The following MACO1 variants were observed in gnomAD, a reference collection of about 807,000 sequenced individuals.
MACO1 encodes the protein macoilin.
A neutral mutation model predicts 78.7 loss-of-function variants in MACO1; 14 were observed. That is an observed-to-expected ratio of 0.18 (90% CI 0.12 to 0.28). The LOEUF is 0.28. Among genes scored for constraint, MACO1 ranks in the 10% least tolerant of loss-of-function variants. The pLI is 1.00. For synonymous variants in MACO1, 288 were observed against 291.6 expected, an observed-to-expected ratio of 0.99 and a Z score of 0.12; for missense variants, 501 against 799.0, an observed-to-expected ratio of 0.63 and a Z score of 4.50.
At chr1:25,476,521 AC>A (rs1193990236) in intron 6 of MACO1, among the ~76,000 whole-genome samples, 1 of 152,232 alleles carries the variant, frequency 6.6e-6, no homozygotes. Context: ...TTCTTAAAAT[AC>A]ATTTTTCTGT....
At chr1:25,456,496 A>G (rs927600484) in intron 4 of MACO1, among the ~76,000 whole-genome samples, 157 bp from the exon 5 acceptor site, 1 of 152,124 alleles carries the variant, frequency 6.6e-6, no homozygotes, top group African/African-American at 2.4e-5. Context: ...CACAGTAGAC[A>G]TTACATTTAT....
chr1:25,456,408 T>C (rs966096742), intron 4 of MACO1, among the ~76,000 whole-genome samples: 3 of 152,226 alleles, frequency 2.0e-5, no homozygotes, highest in Non-Finnish European at 4.4e-5. Context: ...CAACGTCTAA[T>C]GGGAAGTGTC....
At chr1:25,454,444 G>A (rs994875532) in intron 4 of MACO1, 62 bp downstream of exon 4, 14 of 145,584 alleles carry the variant, frequency 9.6e-5, no homozygotes, top group South Asian at 9.0e-4. Flanking sequence ...ATATATGTGT[G>A]TGTGTGTGTG....
chr1:25,473,934 C>T (rs1409064255), intron 6 of MACO1, among the ~76,000 whole-genome samples: 2 of 152,134 alleles, frequency 1.3e-5, no homozygotes, highest in Non-Finnish European at 2.9e-5. Context: ...CCAATAGATT[C>T]AAAACAGAAA....
intron 6 of MACO1, among the ~76,000 whole-genome samples, chr1:25,464,406 G>A (rs1187646180): frequency 7.5e-6 from 1 of 132,516 alleles, no homozygotes; most frequent in African/African-American, 2.9e-5. Context: ...GTGCAGTGGT[G>A]TGATCTCGGC....
chr1:25,440,405 GAAA>G (rs35855810), intron 1 of MACO1, among the ~76,000 whole-genome samples: 7 of 124,570 alleles, frequency 5.6e-5, no homozygotes, highest in African/African-American at 8.6e-5. Context: ...CCAGTTCTGG[GAAA>G]AAAAAAAAAA....
At chr1:25,474,783 A>G (rs902481762) in intron 6 of MACO1, among the ~76,000 whole-genome samples, 4 of 152,198 alleles carry the variant, frequency 2.6e-5, no homozygotes, top group African/African-American at 9.6e-5. Context: ...AAAACTCAGG[A>G]TGTGGGTCCT....
At chr1:25,440,757 G>C (rs1324830007) in intron 1 of MACO1, among the ~76,000 whole-genome samples, 1 of 124,354 alleles carries the variant, frequency 8.0e-6, no homozygotes, top group Non-Finnish European at 1.6e-5. Context: ...GACAGAGTGA[G>C]ACTCCATCTC....
At chr1:25,459,753 A>C (rs1429917919) in intron 6 of MACO1, among the ~76,000 whole-genome samples, 3 of 152,180 alleles carry the variant, frequency 2.0e-5, no homozygotes, top group Non-Finnish European at 4.4e-5. Flanking sequence ...CTGGGATTAC[A>C]GATGTGAGCC....
chr1:25,483,928 T>C (rs1295211638), intron 6 of MACO1, among the ~76,000 whole-genome samples, 188 bp from the exon 7 acceptor site: 1 of 152,126 alleles, frequency 6.6e-6, no homozygotes, highest in Non-Finnish European at 1.5e-5. Context: ...TAGGAAGAGG[T>C]AGGGACCCAG....
intron 6 of MACO1, among the ~76,000 whole-genome samples, chr1:25,475,585 G>T (rs527369811): frequency 4.6e-5 from 7 of 151,336 alleles, no homozygotes; most frequent in Non-Finnish European, 8.8e-5. Flanking sequence ...AAAAGTAAGA[G>T]ACTTGGATTT....
chr1:25,440,939 G>A (rs1445137568), intron 1 of MACO1, among the ~76,000 whole-genome samples: 1 of 152,138 alleles, frequency 6.6e-6, no homozygotes, highest in Non-Finnish European at 1.5e-5. Context: ...GTGATAGTCT[G>A]GCACCCAGAA....
At chr1:25,431,260 C>A in intron 1 of MACO1, 82 bp downstream of exon 1, 1 of 1,121,092 alleles carries the variant, frequency 8.9e-7, no homozygotes. Context: ...CGTTATGTAA[C>A]CCCGAGTAGG....
At position 25,437,983 on chromosome 1, in the gene MACO1, G is replaced by A. The variant is rs76586653; in HGVS notation, c.80+6805G>A. ...ATCCCAAAGTGCTGATATTATAGGC[G>A]TGAGCCACCATAATCAGCCCCCAAT... On this transcript the variant is annotated intron_variant, in intron 1 of 10. Coordinates refer to ENST00000374343, the MANE Select transcript of MACO1 (RefSeq NM_018202.6). Among the ~76,000 whole-genome samples, 1,130 of 152,096 alleles carry A rather than the reference G, an allele frequency of 7.4e-3. 15 individuals carry two copies. Among genetic ancestry groups the A allele is most frequent in the African/African-American group, 0.026 (1,083 of 41,464 alleles).
chr1:25,433,428 G>C (rs183275457), intron 1 of MACO1, among the ~76,000 whole-genome samples: 56 of 152,270 alleles, frequency 3.7e-4, no homozygotes, highest in African/African-American at 1.2e-3. Context: ...ATGCTAAGTT[G>C]TTTTTCACAC....
chr1:25,436,476 T>C (rs1041446321), intron 1 of MACO1, among the ~76,000 whole-genome samples: 7 of 152,176 alleles, frequency 4.6e-5, no homozygotes, highest in Non-Finnish European at 1.0e-4. Flanking sequence ...TCCCCAGGCT[T>C]ACTAGATTTG....
rs930025320 is a variant in MACO1 at position 25,458,750 on chromosome 1, G to A, written c.1012G>A (p.Ala338Thr). The A allele has an allele frequency of 1.2e-6, 2 of 1,614,048 alleles. No individual in the cohort carries two copies. The highest frequency in any genetic ancestry group is 1.3e-5 in the African/African-American group (1 of 74,978). The change falls in exon 6 of 11, where the codon GCC (alanine) becomes ACC (threonine). Residue 338 changes from alanine to threonine, a missense_variant. This residue lies in a region of MACO1 where 163 missense variants were observed against 271.9 expected (regional missense o/e 0.60). Coordinates refer to ENST00000374343, the MANE Select transcript of MACO1 (RefSeq NM_018202.6). The stretch of plus-strand genomic sequence containing the variant: ...GAACTCTTCACCTCGAAGTCATAGC[G>A]CCACAAATGGGAGCATTCCTTCCTC... ...VVNSSPRSHS[A>T]TNGSIPSSSS...
At chr1:25,488,226 A>AT (rs1454821592) in intron 8 of MACO1, among the ~76,000 whole-genome samples, 1 of 151,776 alleles carries the variant, frequency 6.6e-6, no homozygotes, top group Non-Finnish European at 1.5e-5. Flanking sequence ...TATTTTTTAA[A>AT]TTTTTTGTAG....
intron 10 of MACO1, 80 bp from the exon 11 acceptor site, chr1:25,498,184 C>T: frequency 6.9e-7 from 1 of 1,447,784 alleles, no homozygotes; most frequent in Non-Finnish European, 9.6e-7. Context: ...TGAACCGAAT[C>T]TACTTAGGGA....
Sources: allele counts gnomAD v4.1 joint callset (sites outside exome capture counted in the v4.1 genomes callset), GRCh38; gene constraint gnomAD v4.1.1; regional missense constraint gnomAD v4.1.1; transcripts MANE v1.5; gene names NCBI Gene and HGNC (gene_info 2026-07-23, HGNC 2026-07-21).